Variants in MUSK observed in about 807,000 individuals in gnomAD.
MUSK encodes muscle associated receptor tyrosine kinase, also known as muscle, skeletal receptor tyrosine-protein kinase.
MUSK carries 55 observed loss-of-function variants against 88.7 expected under a neutral mutation model. The ratio of observed to expected loss-of-function variants is 0.62; its 90% CI spans 0.50 to 0.78. The LOEUF is 0.78. Among genes scored for constraint, MUSK ranks in the 30% least tolerant of loss-of-function variants. MUSK has a pLI of 0.00. For synonymous variants in MUSK, 387 were observed against 391.9 expected (o/e 0.99, Z 0.15); for missense variants, 1,015 against 1,074.3 (o/e 0.94, Z 0.77).
chr9:110,697,872 G>T (rs973155657), intron 5 of MUSK, among the ~76,000 whole-genome samples: 2 of 151,492 alleles, frequency 1.3e-5, no homozygotes, highest in African/African-American at 4.8e-5. Flanking sequence ...GGAGGAAAAA[G>T]TAGCTATTTT....
intron 6 of MUSK, among the ~76,000 whole-genome samples, chr9:110,744,988 A>G (rs932734909): frequency 6.6e-6 from 1 of 152,214 alleles, no homozygotes; most frequent in African/African-American, 2.4e-5. Flanking sequence ...ATCATCAAAA[A>G]TACTAAACTG....
At chr9:110,740,490 A>G (rs10817088) in intron 6 of MUSK, among the ~76,000 whole-genome samples, 125,444 of 152,102 alleles carry the variant, frequency 0.82, 52,354 homozygotes, top group African/African-American at 0.95. Flanking sequence ...TTCTCATTCC[A>G]AAATAGTTTT....
chr9:110,764,615 A>C (rs1588009456), intron 8 of MUSK, among the ~76,000 whole-genome samples: 1 of 74,910 alleles, frequency 1.3e-5, no homozygotes, highest in African/African-American at 4.2e-5. Context: ...AGATAGATAG[A>C]TAGATAGATA....
At chr9:110,755,962 AT>A (rs367699423) in intron 7 of MUSK, among the ~76,000 whole-genome samples, 96 of 67,334 alleles carry the variant, frequency 1.4e-3, no homozygotes, top group Middle Eastern at 8.8e-3. Context: ...ACATATATAT[AT>A]ACATATATAT....
At chr9:110,712,495 C>A (rs899363697) in intron 5 of MUSK, among the ~76,000 whole-genome samples, 1 of 152,156 alleles carries the variant, frequency 6.6e-6, no homozygotes, top group Non-Finnish European at 1.5e-5. Context: ...TTCTCAAATG[C>A]CAGTGCACAT....
At chr9:110,742,457 A>G (rs966983613) in intron 6 of MUSK, among the ~76,000 whole-genome samples, 3 of 152,172 alleles carry the variant, frequency 2.0e-5, no homozygotes, top group African/African-American at 7.2e-5. Context: ...CTCCATCTCA[A>G]AAAATAAACA....
At chr9:110,694,213 T>C (rs1034914181) in intron 3 of MUSK, among the ~76,000 whole-genome samples, 1 of 23,094 alleles carries the variant, frequency 4.3e-5, no homozygotes, top group Admixed American at 4.1e-4. Flanking sequence ...CCACTAAAAA[T>C]ACAAAAAAAA....
At chr9:110,697,683 T>C (rs2076451305) in intron 5 of MUSK, among the ~76,000 whole-genome samples, 1 of 152,206 alleles carries the variant, frequency 6.6e-6, no homozygotes, top group African/African-American at 2.4e-5. Context: ...TTCCATTGAT[T>C]ACTCACAATC....
intron 7 of MUSK, among the ~76,000 whole-genome samples, chr9:110,753,826 A>C (rs2077278757): frequency 6.6e-6 from 1 of 152,148 alleles, no homozygotes; most frequent in Admixed American, 6.5e-5. Flanking sequence ...TATTTTTCTT[A>C]TTTCAAAAGA....
chr9:110,782,621 A>G (rs2077779443), intron 11 of MUSK, among the ~76,000 whole-genome samples: 1 of 152,162 alleles, frequency 6.6e-6, no homozygotes, highest in Non-Finnish European at 1.5e-5. Context: ...CAAATACAAA[A>G]ATAGTTATTT....
chr9:110,737,295 A>G (rs765302513), intron 6 of MUSK, among the ~76,000 whole-genome samples: 8 of 151,694 alleles, frequency 5.3e-5, no homozygotes, highest in Non-Finnish European at 1.0e-4. Flanking sequence ...GAGGTTAAGA[A>G]AATGTATTTT....
At chr9:110,761,666 C>CG (rs1554751858) in intron 7 of MUSK, among the ~76,000 whole-genome samples, 9 of 150,336 alleles carry the variant, frequency 6.0e-5, no homozygotes, top group Non-Finnish European at 1.0e-4. Flanking sequence ...CTCCGCCCCC[C>CG]GGGGGTTCAC....
At chr9:110,755,934 A>C (rs191495501) in intron 7 of MUSK, among the ~76,000 whole-genome samples, 1 of 73,534 alleles carries the variant, frequency 1.4e-5, no homozygotes. Flanking sequence ...ATATATATAC[A>C]TATATATATA....
At chr9:110,738,047 T>TTACAGGG (rs2077050821) in intron 6 of MUSK, among the ~76,000 whole-genome samples, 1 of 152,146 alleles carries the variant, frequency 6.6e-6, no homozygotes, top group African/African-American at 2.4e-5. Context: ...CCCTGCTATC[T>TTACAGGG]GAAGTTTGAA....
chr9:110,722,774 C>G (rs76783291), intron 5 of MUSK, among the ~76,000 whole-genome samples: 1 of 151,860 alleles, frequency 6.6e-6, no homozygotes, highest in African/African-American at 2.4e-5. Context: ...AAATGGCCAA[C>G]AAGCATGGAA....
In MUSK at chr9:110,723,673, C is replaced by T. The variant is rs572433598; in HGVS notation, c.629-10578C>T. 2.8e-4 allele frequency among the ~76,000 whole-genome samples: 43 copies of T among 152,118 alleles called. 1 individual carries two copies. Among genetic ancestry groups the T allele is most frequent in the African/African-American group, 7.0e-4 (29 of 41,540 alleles). On this transcript the variant is annotated intron_variant, in intron 5 of 14. Transcript: ENST00000374448. ...CAAGTACTTCTGAAAAATACTCATC[C>T]CCAAAACACAGGCAAAAAATTTTGA...
In MUSK at chr9:110,800,387, TG is replaced by T. The variant is rs765556063; in HGVS notation, c.2010del (p.Met670IlefsTer16). The T allele has an allele frequency of 5.0e-6, 8 of 1,613,876 alleles. No homozygotes were observed. Among genetic ancestry groups the T allele is most frequent in the Non-Finnish European group, 5.9e-6 (7 of 1,179,856 alleles). ...GACCTCAATGAGTTCCTCCGCAGCATGTCCCCTCACACCGTGTGCAGCCTCA... is the reference window on the plus strand; with the variant it reads ...GACCTCAATGAGTTCCTCCGCAGCATTCCCCTCACACCGTGTGCAGCCTCA... ...YGDLNEFLRS[M>X]SPHTVCSLSH... On this transcript the variant is annotated frameshift_variant, in exon 15 of 15. Coordinates refer to ENST00000374448, the MANE Select transcript of MUSK (RefSeq NM_005592.4). LOFTEE classifies it high-confidence loss of function.
intron 9 of MUSK, among the ~76,000 whole-genome samples, chr9:110,770,011 A>T (rs1588017555): frequency 1.3e-5 from 2 of 152,180 alleles, no homozygotes; most frequent in East Asian, 3.9e-4. Flanking sequence ...AAACCCAGAA[A>T]GTTGGTCACT....
intron 2 of MUSK, among the ~76,000 whole-genome samples, chr9:110,683,377 C>T (rs2076156836): frequency 1.3e-5 from 2 of 152,064 alleles, no homozygotes; most frequent in South Asian, 2.1e-4. Flanking sequence ...ATCCATTCAT[C>T]TGTTAATGAA....
Sources: gnomAD v4.1 joint callset for allele counts (sites outside exome capture counted in the v4.1 genomes callset) on GRCh38, gnomAD v4.1.1 for gene constraint, MANE v1.5 for transcripts, NCBI Gene and HGNC (gene_info 2026-07-23, HGNC 2026-07-21) for gene names.